Variants in PPP3R1 observed in about 807,000 individuals in gnomAD.
The protein encoded by PPP3R1 is protein phosphatase 3 regulatory subunit B, alpha.
A neutral mutation model predicts 22.6 loss-of-function variants in PPP3R1; 5 were observed. The observed-to-expected ratio is 0.22, with a 90% CI of 0.12 to 0.46. The LOEUF (loss-of-function observed/expected upper bound fraction) is 0.46, where lower values mean the gene tolerates loss of function less well. Among genes scored for constraint, PPP3R1 ranks in the 20% least tolerant of loss-of-function variants. The pLI, the probability that PPP3R1 is intolerant of heterozygous loss-of-function variation, is 0.99. For missense variants in PPP3R1, 61 were observed against 203.2 expected (o/e 0.30, Z 4.25); for synonymous variants, 56 against 65.2 (o/e 0.86, Z 0.68).
intron 2 of PPP3R1, among the ~76,000 whole-genome samples, chr2:68,212,092 T>G (rs1669498979): frequency 6.6e-6 from 1 of 152,220 alleles, no homozygotes; most frequent in Non-Finnish European, 1.5e-5. Context: ...TTGTTTGTTT[T>G]TTTTTGGAGA....
chr2:68,194,250 T>C (rs1674723904), intron 2 of PPP3R1, among the ~76,000 whole-genome samples: 1 of 152,138 alleles, frequency 6.6e-6, no homozygotes, highest in Admixed American at 6.5e-5. Flanking sequence ...AATTGGTAGA[T>C]TGTTTATACA....
chr2:68,212,001 T>TAA (rs1558635359), intron 2 of PPP3R1, among the ~76,000 whole-genome samples: 3 of 152,238 alleles, frequency 2.0e-5, no homozygotes, highest in Admixed American at 6.5e-5. Context: ...TTTCAAACTC[T>TAA]TGTTTATACT....
chr2:68,229,753 C>T (rs1669850054), intron 1 of PPP3R1, among the ~76,000 whole-genome samples: 2 of 152,022 alleles, frequency 1.3e-5, no homozygotes, highest in African/African-American at 4.8e-5. Flanking sequence ...TTTCTCCTTC[C>T]TTTTACTTTC....
At chr2:68,198,278 C>T (rs1232325151) in intron 2 of PPP3R1, among the ~76,000 whole-genome samples, 3 of 143,008 alleles carry the variant, frequency 2.1e-5, no homozygotes, top group African/African-American at 5.2e-5. Flanking sequence ...TATGTGTATG[C>T]ATGTATGTGT....
rs1194341592 is a variant in PPP3R1 at position 68,217,011 on chromosome 2, T to C, written c.43+81A>G. ...GTAAATATACATTACAGAGGTATGA[T>C]ACACACACACACACACACACACACA... On this transcript the variant is annotated intron_variant, in intron 2 of 5. Transcript: ENST00000234310. 1.0e-5 allele frequency: 8 copies of C among 771,044 alleles called. No individual in the cohort carries two copies. The East Asian group carries it at 1.9e-4, about 18-fold the overall frequency. The allele number at this position is 771,044 out of a possible 1,614,324, so 47.8% of individuals were successfully genotyped here.
At chr2:68,212,985 G>A (rs944123160) in intron 2 of PPP3R1, among the ~76,000 whole-genome samples, 3 of 152,192 alleles carry the variant, frequency 2.0e-5, no homozygotes, top group Non-Finnish European at 4.4e-5. Context: ...CTTTTCTTCT[G>A]CAGCTTCCCC....
chr2:68,248,206 C>CT (rs1670273644), intron 1 of PPP3R1, among the ~76,000 whole-genome samples: 1 of 152,094 alleles, frequency 6.6e-6, no homozygotes, highest in Non-Finnish European at 1.5e-5. Flanking sequence ...TCCTCACTGG[C>CT]TAAATACTCA....
intron 1 of PPP3R1, among the ~76,000 whole-genome samples, chr2:68,241,128 C>A (rs1670120812): frequency 6.6e-6 from 1 of 151,752 alleles, no homozygotes; most frequent in African/African-American, 2.4e-5. Flanking sequence ...CCCACCCCCA[C>A]CTCTTAGAAA....
At chr2:68,182,634 G>A (rs1674438385) in intron 5 of PPP3R1, among the ~76,000 whole-genome samples, 1 of 137,716 alleles carries the variant, frequency 7.3e-6, no homozygotes, top group East Asian at 2.1e-4. Context: ...TGACCAACAT[G>A]GTGAAACCAG....
chr2:68,251,867 G>A (rs1670366415), intron 1 of PPP3R1, among the ~76,000 whole-genome samples: 1 of 146,678 alleles, frequency 6.8e-6, no homozygotes, highest in South Asian at 2.1e-4. Context: ...TGGGGCGACG[G>A]CGGGGCGGCG....
chr2:68,231,528 G>A (rs1669898323), intron 1 of PPP3R1, among the ~76,000 whole-genome samples: 2 of 152,220 alleles, frequency 1.3e-5, no homozygotes, highest in South Asian at 2.1e-4. Flanking sequence ...AGCTAGTTCA[G>A]CTTACAAATC....
At chr2:68,184,610 T>A (rs1428764724) in intron 5 of PPP3R1, among the ~76,000 whole-genome samples, 3 of 152,198 alleles carry the variant, frequency 2.0e-5, no homozygotes, top group Non-Finnish European at 4.4e-5. Context: ...TAGTATGCAA[T>A]CTTTTAAAAT....
At chr2:68,248,655 C>T (rs1038710935) in intron 1 of PPP3R1, among the ~76,000 whole-genome samples, 2 of 152,132 alleles carry the variant, frequency 1.3e-5, no homozygotes, top group Non-Finnish European at 1.5e-5. Flanking sequence ...ACCATCAGTG[C>T]TCCAAATGTA....
chr2:68,232,122 T>TACACAC lies in PPP3R1; in HGVS notation c.4-14992_4-14991insGTGTGT, dbSNP rs1165774321. ...AAAAAAAAAAAAATATATATATATA[T>TACACAC]ATACACACACACACACATATATATG... On this transcript the variant is annotated intron_variant, in intron 1 of 5. Transcript: ENST00000234310. 1.6e-3 allele frequency among the ~76,000 whole-genome samples: 79 copies of TACACAC among 48,160 alleles called. 2 individuals carry two copies. The highest frequency in any genetic ancestry group is 4.1e-3 in the Admixed American group (17 of 4,192). 31.6% of individuals were successfully genotyped at this position (48,160 alleles called of 152,430 possible).
In PPP3R1 at chr2:68,232,114, T is replaced by A. The variant is rs1489234075; in HGVS notation, c.4-14983A>T. On this transcript the variant is annotated intron_variant, in intron 1 of 5. Transcript: ENST00000234310. ...TATCTACTAAAAAAAAAAAAATATA[T>A]ATATATATATACACACACACACACA... 2.0e-3 allele frequency among the ~76,000 whole-genome samples: 132 copies of A among 67,562 alleles called. 3 individuals carry two copies. Among genetic ancestry groups the A allele is most frequent in the East Asian group, 0.013 (24 of 1,910 alleles). The allele number at this position is 67,562 out of a possible 152,430, so 44.3% of individuals were successfully genotyped here. A position where few individuals can be genotyped will look rare whatever the true frequency, so the allele number is the denominator to read the frequency against.
At chr2:68,242,875 C>A (rs978831313) in intron 1 of PPP3R1, among the ~76,000 whole-genome samples, 2 of 152,178 alleles carry the variant, frequency 1.3e-5, no homozygotes, top group Non-Finnish European at 2.9e-5. Flanking sequence ...GGGTAACATC[C>A]TTTCTGTAGG....
intron 1 of PPP3R1, among the ~76,000 whole-genome samples, chr2:68,250,115 A>G (rs889408138): frequency 6.6e-6 from 1 of 152,076 alleles, no homozygotes; most frequent in African/African-American, 2.4e-5. Context: ...TGCCAACATT[A>G]TGTAGGTCCT....
chr2:68,182,310 G>A (rs2103712482), intron 5 of PPP3R1, among the ~76,000 whole-genome samples: 1 of 152,060 alleles, frequency 6.6e-6, no homozygotes, highest in South Asian at 2.1e-4. Context: ...TCCTGCTGTG[G>A]GAAAAAAAGC....
intron 1 of PPP3R1, among the ~76,000 whole-genome samples, chr2:68,229,895 TA>T (rs990065112): frequency 6.6e-6 from 1 of 151,876 alleles, no homozygotes; most frequent in African/African-American, 2.4e-5. Flanking sequence ...TGTATATATA[TA>T]TACGGGTGTG....
Sources: gnomAD v4.1 joint callset for allele counts (sites outside exome capture counted in the v4.1 genomes callset) on GRCh38, gnomAD v4.1.1 for gene constraint, MANE v1.5 for transcripts, NCBI Gene and HGNC (gene_info 2026-07-23, HGNC 2026-07-21) for gene names.